MYO3B: variants seen among roughly 807,000 people sequenced by gnomAD.
MYO3B encodes myosin IIIB.
A neutral mutation model predicts 174.6 loss-of-function variants in MYO3B; 156 were observed. That is an observed-to-expected ratio of 0.89 (90% CI 0.78 to 1.02). MYO3B has a LOEUF of 1.02. Ranked by LOEUF, MYO3B falls within the 50% of genes least tolerant of loss-of-function variation. The pLI, the probability that MYO3B is intolerant of heterozygous loss-of-function variation, is 0.00. For synonymous variants in MYO3B, 563 were observed against 569.1 expected (o/e 0.99, Z 0.15); for missense variants, 1,632 against 1,639.4 (o/e 1.00, Z 0.08).
intron 23 of MYO3B, among the ~76,000 whole-genome samples, chr2:170,458,132 G>C (rs1006409031): frequency 6.6e-6 from 1 of 152,208 alleles, no homozygotes; most frequent in African/African-American, 2.4e-5. Flanking sequence ...ATTATATACT[G>C]TACATTATTG....
chr2:170,547,221 T>A (rs185930218), intron 32 of MYO3B, among the ~76,000 whole-genome samples: 575 of 147,266 alleles, frequency 3.9e-3, no homozygotes, highest in Middle Eastern at 7.3e-3. Context: ...TCCCAGCTAC[T>A]GGGGAGGCTG....
intron 13 of MYO3B, among the ~76,000 whole-genome samples, chr2:170,386,623 C>G (rs796802036): frequency 2.0e-5 from 3 of 152,020 alleles, no homozygotes; most frequent in South Asian, 4.1e-4. Flanking sequence ...AAAATAGAAG[C>G]CTTTGAGCAA....
At chr2:170,351,572 G>C (rs2105601271) in intron 8 of MYO3B, among the ~76,000 whole-genome samples, 1 of 152,116 alleles carries the variant, frequency 6.6e-6, no homozygotes, top group South Asian at 2.1e-4. Context: ...CTGGGCTAGA[G>C]ACCCAGAGAG....
At chr2:170,552,479 G>C (rs1690985712) in intron 32 of MYO3B, among the ~76,000 whole-genome samples, 1 of 152,138 alleles carries the variant, frequency 6.6e-6, no homozygotes, top group African/African-American at 2.4e-5. Flanking sequence ...AGATGATTTA[G>C]GATATCTGGT....
chr2:170,648,728 T>TATAGA (rs1698595799), intron 32 of MYO3B, among the ~76,000 whole-genome samples: 2 of 122,092 alleles, frequency 1.6e-5, no homozygotes, highest in Admixed American at 1.9e-4. Context: ...ATATGTAAAA[T>TATAGA]ATATATTATA....
In MYO3B at chr2:170,399,266, AG is replaced by A. The variant is rs753146188; in HGVS notation, c.1792-921del. 0.017 allele frequency among the ~76,000 whole-genome samples: 955 copies of A among 56,544 alleles called. 212 individuals are homozygous for A. The East Asian group carries it at 0.18, about 11-fold the overall frequency. The allele number at this position is 56,544 out of a possible 152,430, so 37.1% of individuals were successfully genotyped here. A position where few individuals can be genotyped will look rare whatever the true frequency, so the allele number is the denominator to read the frequency against. On this transcript the variant is annotated intron_variant, in intron 16 of 34. Transcript: ENST00000408978. ...TCAAAAAAAAAAAAAAAAAAAAAAA[AG>A]AGAGAGACCAGTCTGGCCAACAGGG...
chr2:170,278,912 T>C (rs984272182), intron 7 of MYO3B, among the ~76,000 whole-genome samples: 2 of 152,230 alleles, frequency 1.3e-5, no homozygotes, highest in Non-Finnish European at 2.9e-5. Context: ...TTATTTAATG[T>C]AATGACCTTC....
intron 25 of MYO3B, among the ~76,000 whole-genome samples, chr2:170,491,454 G>A (rs913338906): frequency 6.1e-5 from 6 of 98,890 alleles, no homozygotes; most frequent in Admixed American, 2.1e-4. Flanking sequence ...ATTTTAAGAC[G>A]GAGTCTCTGT....
intron 7 of MYO3B, among the ~76,000 whole-genome samples, chr2:170,311,975 G>A (rs187259572): frequency 5.5e-4 from 84 of 152,214 alleles, no homozygotes; most frequent in Non-Finnish European, 1.0e-3. Flanking sequence ...TTCTTATGCC[G>A]GTAATCACAC....
chr2:170,356,938 C>T (rs1386589638), intron 8 of MYO3B, among the ~76,000 whole-genome samples: 1 of 151,850 alleles, frequency 6.6e-6, no homozygotes, highest in African/African-American at 2.4e-5. Flanking sequence ...CCACCACGGC[C>T]CCCTGATTTA....
At chr2:170,288,458 T>C (rs1162528893) in intron 7 of MYO3B, among the ~76,000 whole-genome samples, 1 of 152,066 alleles carries the variant, frequency 6.6e-6, no homozygotes, top group African/African-American at 2.4e-5. Flanking sequence ...GTTAGATTGA[T>C]TCCTAGGTAT....
At chr2:170,625,804 G>T (rs549042776) in intron 32 of MYO3B, among the ~76,000 whole-genome samples, 9 of 152,220 alleles carry the variant, frequency 5.9e-5, no homozygotes, top group Non-Finnish European at 8.8e-5. Context: ...CCTTCATTTC[G>T]TTATGTACCC....
chr2:170,200,098 C>T, intron 2 of MYO3B, 52 bp from the exon 3 acceptor site: 8 of 1,561,870 alleles, frequency 5.1e-6, no homozygotes, highest in South Asian at 1.2e-5. Context: ...ATATCTGTAC[C>T]CTTCCTTACA....
intron 7 of MYO3B, among the ~76,000 whole-genome samples, chr2:170,261,293 G>A (rs1331332773): frequency 6.6e-6 from 1 of 152,166 alleles, no homozygotes; most frequent in African/African-American, 2.4e-5. Flanking sequence ...CCAAAGTGCT[G>A]GGATTACAGA....
intron 7 of MYO3B, among the ~76,000 whole-genome samples, chr2:170,276,235 C>T (rs945254664): frequency 1.3e-5 from 2 of 152,126 alleles, no homozygotes; most frequent in Admixed American, 6.6e-5. Flanking sequence ...TGAATTATTC[C>T]TAGTATAGCC....
intron 32 of MYO3B, among the ~76,000 whole-genome samples, chr2:170,568,219 A>G (rs77645353): frequency 0.015 from 2,248 of 152,360 alleles, 73 homozygotes; most frequent in East Asian, 0.1. Context: ...AGGGGTATGT[A>G]AAGTTATCTT....
chr2:170,331,882 T>C (rs949785589), intron 7 of MYO3B, among the ~76,000 whole-genome samples: 5 of 152,192 alleles, frequency 3.3e-5, no homozygotes, highest in Admixed American at 2.6e-4. Context: ...CTTTCATACG[T>C]TGAATCTCTC....
At chr2:170,611,145 T>C (rs535785501) in intron 32 of MYO3B, among the ~76,000 whole-genome samples, 1 of 152,124 alleles carries the variant, frequency 6.6e-6, no homozygotes, top group Non-Finnish European at 1.5e-5. Flanking sequence ...TGTTCTGAGA[T>C]GGATGGGATT....
chr2:170,438,584 T>C (rs2094774339), intron 22 of MYO3B, among the ~76,000 whole-genome samples: 1 of 152,204 alleles, frequency 6.6e-6, no homozygotes, highest in South Asian at 2.1e-4. Context: ...ACATCCTCTT[T>C]AGCACTTGTT....
Sources: gnomAD v4.1 joint callset for allele counts (sites outside exome capture counted in the v4.1 genomes callset) on GRCh38, gnomAD v4.1.1 for gene constraint, MANE v1.5 for transcripts, NCBI Gene and HGNC (gene_info 2026-07-23, HGNC 2026-07-21) for gene names.